The following KIF16B variants were observed in gnomAD, a reference collection of about 807,000 sequenced individuals.
The protein encoded by KIF16B is kinesin-like protein KIF16B.
In KIF16B, 98 loss-of-function variants were observed where a neutral mutation model predicts 156.3. The ratio of observed to expected loss-of-function variants is 0.63; its 90% confidence interval spans 0.53 to 0.74. KIF16B has a LOEUF of 0.74. KIF16B is among the 30% of genes least tolerant of loss of function. KIF16B has a pLI of 0.00. For missense variants in KIF16B, 1,421 were observed against 1,606.5 expected, an observed-to-expected ratio of 0.88 and a Z score of 1.97; for synonymous variants, 564 against 583.7, an observed-to-expected ratio of 0.97 and a Z score of 0.49.
chr20:16,540,456 A>C (rs1020721091), intron 1 of KIF16B, among the ~76,000 whole-genome samples: 8 of 152,236 alleles, frequency 5.3e-5, no homozygotes, highest in Non-Finnish European at 1.2e-4. Flanking sequence ...GTGGCTCTTC[A>C]TGCTCTAGAA....
intron 25 of KIF16B, among the ~76,000 whole-genome samples, chr20:16,278,377 A>G (rs546132797): frequency 2.6e-5 from 4 of 152,374 alleles, no homozygotes; most frequent in African/African-American, 9.6e-5. Flanking sequence ...GAAATATATC[A>G]GATATCTATC....
At chr20:16,332,674 G>A (rs1393135585) in intron 24 of KIF16B, among the ~76,000 whole-genome samples, 5 of 152,082 alleles carry the variant, frequency 3.3e-5, no homozygotes, top group South Asian at 2.1e-4. Flanking sequence ...AGCAGAAGTC[G>A]CCTATGAATA....
intron 24 of KIF16B, among the ~76,000 whole-genome samples, chr20:16,326,283 A>G (rs1217491758): frequency 6.6e-6 from 1 of 151,986 alleles, no homozygotes; most frequent in Non-Finnish European, 1.5e-5. Flanking sequence ...TGCAACAAAA[A>G]AAAAAAGATA....
At chr20:16,510,296 C>T (rs2068916187) in intron 6 of KIF16B, among the ~76,000 whole-genome samples, 1 of 152,218 alleles carries the variant, frequency 6.6e-6, no homozygotes, top group African/African-American at 2.4e-5. Flanking sequence ...AGAACAACTA[C>T]ATACTGGCAC....
intron 13 of KIF16B, among the ~76,000 whole-genome samples, chr20:16,429,501 C>G (rs2146436431): frequency 6.6e-6 from 1 of 152,234 alleles, no homozygotes; most frequent in Middle Eastern, 3.4e-3. Flanking sequence ...AGGTGAGAAG[C>G]ACAATTTTAT....
intron 13 of KIF16B, 46 bp from the exon 14 acceptor site, chr20:16,429,050 A>G (rs939430384): frequency 1.3e-6 from 2 of 1,495,734 alleles, no homozygotes; most frequent in Non-Finnish European, 1.9e-6. Context: ...AAGAGAAGGA[A>G]TAGCTTGTTT....
chr20:16,416,562 C>A (rs564545463), intron 15 of KIF16B, among the ~76,000 whole-genome samples: 53 of 152,138 alleles, frequency 3.5e-4, no homozygotes, highest in African/African-American at 1.2e-3. Flanking sequence ...ACACCACACA[C>A]TGGGGCCTGT....
At chr20:16,502,385 A>G (rs552943886) in intron 10 of KIF16B, among the ~76,000 whole-genome samples, 2 of 152,340 alleles carry the variant, frequency 1.3e-5, no homozygotes, top group Admixed American at 1.3e-4. Context: ...TAATTAATTT[A>G]GGATAAGCCT....
intron 17 of KIF16B, among the ~76,000 whole-genome samples, chr20:16,393,824 G>A (rs1471251870): frequency 6.6e-6 from 1 of 152,210 alleles, no homozygotes; most frequent in East Asian, 1.9e-4. Context: ...CATTTACATG[G>A]AGATTTTGGA....
chr20:16,461,240 A>G (rs1239176993), intron 12 of KIF16B, among the ~76,000 whole-genome samples: 1 of 152,068 alleles, frequency 6.6e-6, no homozygotes, highest in African/African-American at 2.4e-5. Context: ...AGTAAGAAAG[A>G]TATAGAATAT....
intron 12 of KIF16B, among the ~76,000 whole-genome samples, chr20:16,441,311 C>T (rs1327219364): frequency 1.3e-5 from 2 of 152,138 alleles, no homozygotes; most frequent in African/African-American, 4.8e-5. Flanking sequence ...CACCCTCCGG[C>T]CTGTGCTCTA....
intron 23 of KIF16B, among the ~76,000 whole-genome samples, chr20:16,355,087 G>A (rs538176614): frequency 3.3e-5 from 5 of 151,936 alleles, no homozygotes; most frequent in African/African-American, 1.2e-4. Flanking sequence ...TAAAAGTCTG[G>A]TTAGCTAGAA....
At chr20:16,456,227 A>C (rs1266349714) in intron 12 of KIF16B, among the ~76,000 whole-genome samples, 1 of 152,194 alleles carries the variant, frequency 6.6e-6, no homozygotes, top group African/African-American at 2.4e-5. Context: ...CCAAATCACC[A>C]TATTTTACTC....
chr20:16,386,409 G>A (rs1304683917), intron 17 of KIF16B, among the ~76,000 whole-genome samples: 3 of 152,022 alleles, frequency 2.0e-5, no homozygotes, highest in Admixed American at 1.3e-4. Context: ...CCTTCATGAC[G>A]TGGAGGTTCA....
chr20:16,347,082 C>T (rs1212709163), intron 23 of KIF16B, among the ~76,000 whole-genome samples: 1 of 152,148 alleles, frequency 6.6e-6, no homozygotes. Context: ...CTGTAAAATG[C>T]ATTCATGATT....
intron 1 of KIF16B, among the ~76,000 whole-genome samples, chr20:16,537,700 T>C (rs1025255751): frequency 7.1e-6 from 1 of 140,510 alleles, no homozygotes; most frequent in Non-Finnish European, 1.5e-5. Flanking sequence ...TTTTTCTTTT[T>C]TTCGTTTTTT....
At chr20:16,499,227 C>T (rs1385697482) in intron 10 of KIF16B, among the ~76,000 whole-genome samples, 1 of 152,170 alleles carries the variant, frequency 6.6e-6, no homozygotes, top group African/African-American at 2.4e-5. Context: ...CCTCCAGGGG[C>T]CCCACAAGGG....
At chr20:16,414,901 T>A (rs2066049070) in intron 15 of KIF16B, among the ~76,000 whole-genome samples, 1 of 152,136 alleles carries the variant, frequency 6.6e-6, no homozygotes, top group Admixed American at 6.6e-5. Flanking sequence ...ACAAATTACA[T>A]GAAATATTCA....
In KIF16B at chr20:16,379,325, C is replaced by G. The variant is rs550614292; in HGVS notation, c.2677G>C (p.Glu893Gln). 1 of 1,606,392 alleles carries G rather than the reference C, an allele frequency of 6.2e-7. No individual in the cohort carries two copies. Among genetic ancestry groups the G allele is most frequent in the Admixed American group, 1.7e-5 (1 of 58,840 alleles). The change falls in exon 19 of 26, where the codon GAG becomes CAG. Residue 893 changes from glutamate to glutamine, a missense_variant. Glu to Gln is a conservative substitution (Grantham distance 29). Transcript: ENST00000354981. ...TDVTEVPQDF[E>Q]KIKPVEYRLQ... ...CTGTACTCCACTGGCTTTATTTTCT[C>G]GAAATCTTGAGGCACTTCCGTGACA...
Sources: allele counts gnomAD v4.1 joint callset (sites outside exome capture counted in the v4.1 genomes callset), GRCh38; gene constraint gnomAD v4.1.1; transcripts MANE v1.5; gene names NCBI Gene and HGNC (gene_info 2026-07-23, HGNC 2026-07-21).